The following TENM3 variants were observed in gnomAD, a reference collection of about 807,000 sequenced individuals.
TENM3 encodes the protein teneurin transmembrane protein 3, also known as teneurin-3.
Under a neutral mutation model 255.1 loss-of-function variants are expected in TENM3, and 63 were observed. The observed-to-expected ratio is 0.25, with a 90% confidence interval of 0.20 to 0.30. TENM3 has a LOEUF of 0.30. Among genes scored for constraint, TENM3 ranks in the 10% least tolerant of loss-of-function variants. The probability of loss-of-function intolerance (pLI) is 1.00; values close to 1 mark genes in which losing one functional copy is unlikely to be tolerated. For missense variants in TENM3, 2,929 were observed against 3,461.1 expected (o/e 0.85, Z 3.86); for synonymous variants, 1,306 against 1,322.3 (o/e 0.99, Z 0.27).
intron 1 of TENM3, among the ~76,000 whole-genome samples, chr4:182,232,451 C>A (rs145295109): frequency 6.6e-6 from 1 of 152,176 alleles, no homozygotes; most frequent in Non-Finnish European, 1.5e-5. Context: ...TACGGACAAA[C>A]GCGTTGGCTC....
At chr4:181,680,266 G>A in the TENM3 span, among the ~76,000 whole-genome samples, 1 of 151,984 alleles carries the variant, frequency 6.6e-6, no homozygotes, top group Non-Finnish European at 1.5e-5. Flanking sequence ...GCTGTAAATA[G>A]TAAATACATT....
At chr4:181,883,126 C>CTTTTTT in the TENM3 span, among the ~76,000 whole-genome samples, 25 of 106,732 alleles carry the variant, frequency 2.3e-4, 2 homozygotes, top group South Asian at 5.0e-3. Context: ...TGCAATTAAT[C>CTTTTTT]TTTTTTTTTT....
chr4:182,366,893 T>C (rs1766467182), intron 3 of TENM3, among the ~76,000 whole-genome samples: 1 of 152,160 alleles, frequency 6.6e-6, no homozygotes, highest in African/African-American at 2.4e-5. Flanking sequence ...GTGTTAATCC[T>C]GCAGAAAGTC....
At chr4:182,595,008 ACCCAGTCTCTT>A (rs1423912959) in intron 3 of TENM3, among the ~76,000 whole-genome samples, 1 of 152,034 alleles carries the variant, frequency 6.6e-6, no homozygotes, top group Non-Finnish European at 1.5e-5. Flanking sequence ...AAGCCAGTGC[ACCCAGTCTCTT>A]CCCTGTTCTT....
chr4:181,751,425 A>G, the TENM3 span, among the ~76,000 whole-genome samples: 1 of 151,814 alleles, frequency 6.6e-6, no homozygotes, highest in Non-Finnish European at 1.5e-5. Context: ...GAAAAAAAAA[A>G]AAAAAAAACA....
intron 1 of TENM3, among the ~76,000 whole-genome samples, chr4:182,283,415 A>G (rs1469275045): frequency 6.6e-6 from 1 of 152,198 alleles, no homozygotes; most frequent in Non-Finnish European, 1.5e-5. Flanking sequence ...ATAGTCCCAG[A>G]TGAGATGACA....
chr4:181,467,259 T>A, the TENM3 span, among the ~76,000 whole-genome samples: 370 of 148,648 alleles, frequency 2.5e-3, 3 homozygotes, highest in South Asian at 0.032. Context: ...GCCTCCCAGG[T>A]GGTAGCCGGG....
At chr4:182,477,741 T>C (rs1561489189) in intron 3 of TENM3, among the ~76,000 whole-genome samples, 1 of 152,228 alleles carries the variant, frequency 6.6e-6, no homozygotes. Context: ...AAATCACATC[T>C]GAGATACACA....
In TENM3 at chr4:182,196,894, TG is replaced by T. The variant is rs1753863536; in HGVS notation, c.-76+52141del. On this transcript the variant is annotated intron_variant, in intron 1 of 2. Coordinates refer to the TENM3 transcript ENST00000512480. ...CTAGAATTCCTGCACTGGTCCTTCT[TG>T]TTTCCTTTCTCTCGTCCTCAAATGT... Among the ~76,000 whole-genome samples the T allele has an allele frequency of 2.6e-5, 4 of 152,290 alleles. No individual in the cohort carries two copies. The South Asian group carries it at 8.3e-4, about 32-fold the overall frequency.
intron 3 of TENM3, among the ~76,000 whole-genome samples, chr4:182,480,648 A>G (rs927530266): frequency 6.6e-5 from 10 of 152,084 alleles, no homozygotes; most frequent in African/African-American, 2.4e-4. Flanking sequence ...GGAACTCTGT[A>G]TCTTTGAAAA....
At chr4:182,644,433 A>G (rs1187965781) in intron 5 of TENM3, among the ~76,000 whole-genome samples, 4 of 152,192 alleles carry the variant, frequency 2.6e-5, no homozygotes, top group African/African-American at 9.6e-5. Context: ...AGTGTTCCAC[A>G]TGCTGGCTTT....
the TENM3 span, among the ~76,000 whole-genome samples, chr4:181,551,577 A>G: frequency 3.3e-5 from 5 of 152,080 alleles, no homozygotes; most frequent in African/African-American, 1.2e-4. Flanking sequence ...TTTTATTTTT[A>G]TCTCAATCAC....
intron 4 of TENM3, among the ~76,000 whole-genome samples, chr4:182,607,718 A>G (rs1341712337): frequency 6.6e-6 from 1 of 152,206 alleles, no homozygotes; most frequent in Non-Finnish European, 1.5e-5. Context: ...ACACCAAGAA[A>G]GTATGCATTA....
intron 3 of TENM3, among the ~76,000 whole-genome samples, chr4:182,486,451 G>T (rs186842769): frequency 8.5e-4 from 129 of 152,238 alleles, no homozygotes; most frequent in African/African-American, 2.5e-3. Flanking sequence ...TCCTTTGTAG[G>T]AATGGGGAGC....
At chr4:181,655,548 C>T in the TENM3 span, among the ~76,000 whole-genome samples, 1 of 152,186 alleles carries the variant, frequency 6.6e-6, no homozygotes, top group Non-Finnish European at 1.5e-5. Context: ...TCATTGATTA[C>T]ATAATTAAAA....
chr4:181,749,859 G>T, the TENM3 span, among the ~76,000 whole-genome samples: 1 of 152,044 alleles, frequency 6.6e-6, no homozygotes, highest in Non-Finnish European at 1.5e-5. Flanking sequence ...TTAACAAGGT[G>T]CTCTTAAAGG....
intron 3 of TENM3, among the ~76,000 whole-genome samples, chr4:182,416,848 G>A (rs1770399298): frequency 6.6e-6 from 1 of 152,142 alleles, no homozygotes; most frequent in Admixed American, 6.6e-5. Context: ...CAAACCATCG[G>A]AGAGGCACAC....
At chr4:181,640,197 G>C in the TENM3 span, among the ~76,000 whole-genome samples, 11 of 152,124 alleles carry the variant, frequency 7.2e-5, no homozygotes, top group African/African-American at 2.7e-4. Context: ...CCAATTCTCA[G>C]TCCCTACTCC....
chr4:182,264,163 A>G (rs1269215372), intron 1 of TENM3, among the ~76,000 whole-genome samples: 1 of 152,218 alleles, frequency 6.6e-6, no homozygotes, highest in East Asian at 1.9e-4. Context: ...GATTAATGCG[A>G]AAAAGAATTC....
Sources: gnomAD v4.1 joint callset for allele counts (sites outside exome capture counted in the v4.1 genomes callset) on GRCh38, gnomAD v4.1.1 for gene constraint, MANE v1.5 for transcripts, NCBI Gene and HGNC (gene_info 2026-07-23, HGNC 2026-07-21) for gene names.